Variants in KNTC1 observed in about 807,000 individuals in gnomAD.
KNTC1 encodes the protein kinetochore-associated protein 1.
A neutral mutation model predicts 314.4 loss-of-function variants in KNTC1; 253 were observed. That is an observed-to-expected ratio of 0.80 (90% CI 0.73 to 0.89). KNTC1 has a LOEUF of 0.89. Ranked by LOEUF, KNTC1 falls within the 40% of genes least tolerant of loss-of-function variation. The pLI, the probability that KNTC1 is intolerant of heterozygous loss-of-function variation, is 0.00. For synonymous variants in KNTC1, 901 were observed against 901.4 expected (o/e 1.00, Z 0.01); for missense variants, 2,475 against 2,572.9 (o/e 0.96, Z 0.82).
chr12:122,539,684 T>A lies in KNTC1; in HGVS notation c.375T>A (p.Val125=), dbSNP rs1384436087. 6.4e-7 allele frequency: 1 copy of A among 1,568,142 alleles called. No individual in the cohort carries two copies. Among genetic ancestry groups the A allele is most frequent in the South Asian group, 1.2e-5 (1 of 84,058 alleles). The change falls in exon 5 of 64, where the codon GTT becomes GTA. Residue 125 remains valine (V), a synonymous_variant. Transcript: ENST00000333479. ...SKQTLLTNAF[V]QKANDENRRT... is the part of the protein sequence containing the mutation. ...AATTAATTTGCATTTAGGCATTTGT[T>A]CAGAAAGCTAACGATGAAAATCGGC...
chr12:122,575,241 A>G (rs1167620609), intron 27 of KNTC1, among the ~76,000 whole-genome samples: 4 of 152,114 alleles, frequency 2.6e-5, no homozygotes, highest in African/African-American at 7.2e-5. Context: ...AGCCTGGGCA[A>G]TGGGAACATG....
In KNTC1 at chr12:122,588,778, A is replaced by G. The variant is rs1167993460; in HGVS notation, c.3961A>G (p.Ile1321Val). The G allele has an allele frequency of 1.3e-6, 2 of 1,567,584 alleles. No individual in the cohort carries two copies. The highest frequency in any genetic ancestry group is 1.7e-6 in the Non-Finnish European group (2 of 1,155,710). The stretch of plus-strand genomic sequence containing the variant: ...TATGGAATTGAAAGAAAAAGCTGTT[A>G]TATTTATCAGGGAAAATGCTACAAC... ...VVMELKEKAV[I>V]FIRENATTLL... is the part of the protein sequence containing the mutation. The change falls in exon 40 of 64, where the codon ATA (isoleucine) becomes GTA (valine). Residue 1321 changes from isoleucine (I) to valine (V), a missense_variant. Transcript: ENST00000333479.
intron 7 of KNTC1, 90 bp downstream of exon 7, chr12:122,543,724 T>G: frequency 1.4e-6 from 1 of 735,564 alleles, no homozygotes; most frequent in South Asian, 2.1e-5. Flanking sequence ...GGTCTACTTC[T>G]TGATATTTTA....
In KNTC1 at chr12:122,582,984, A is replaced by G. The variant is rs200596757; in HGVS notation, c.3262A>G (p.Ser1088Gly). The G allele has an allele frequency of 5.6e-6, 9 of 1,604,064 alleles. No individual in the cohort carries two copies. The highest frequency in any genetic ancestry group is 7.7e-6 in the Non-Finnish European group (9 of 1,173,612). Reference protein sequence around the residue: ...GNIKTALKKCSDLFKYHCNAD... With the variant: ...GNIKTALKKCGDLFKYHCNAD... Reference sequence around the variant, plus strand: ...CATCAAAACAGCACTGAAAAAATGCAGGTGACATTCCAGATCCCTGAATTG... The same window carrying G: ...CATCAAAACAGCACTGAAAAAATGCGGGTGACATTCCAGATCCCTGAATTG... Residue 1088 changes from serine to glycine, a missense_variant and splice_region_variant, in exon 34 of 64, where the codon AGC (serine) becomes GGC (glycine). Ser to Gly is a moderately conservative substitution (Grantham distance 56). Transcript: ENST00000333479.
chr12:122,568,366 A>G lies in KNTC1; in HGVS notation c.1710A>G (p.Arg570=). The G allele has an allele frequency of 1.9e-6, 3 of 1,547,302 alleles. No individual in the cohort carries two copies. Among genetic ancestry groups the G allele is most frequent in the Non-Finnish European group, 2.7e-6 (3 of 1,120,812 alleles). Residue 570 remains arginine (R), a synonymous_variant, in exon 21 of 64, where the codon CGA becomes CGG. Transcript: ENST00000333479. ...NLVCAQYLWL[R]HRANFESRFD... is the part of the protein sequence containing the mutation. ...TTTGTGCACAGTATCTTTGGCTTCG[A>G]CATCGGGTAACATGTTTTACATTTT...
chr12:122,557,776 T>G, intron 18 of KNTC1, 87 bp downstream of exon 18: 2 of 881,474 alleles, frequency 2.3e-6, no homozygotes, highest in South Asian at 1.6e-5. Context: ...ATATATCTTT[T>G]CCTCCTATCC....
intron 31 of KNTC1, among the ~76,000 whole-genome samples, 157 bp downstream of exon 31, chr12:122,577,948 A>G (rs887117025): frequency 6.6e-6 from 1 of 152,208 alleles, no homozygotes; most frequent in Non-Finnish European, 1.5e-5. Context: ...TACTAGGAGA[A>G]AAAAAACAAT....
At position 122,577,810 on chromosome 12, in the gene KNTC1, A is replaced by G; in HGVS notation, c.2841+19A>G. On this transcript the variant is annotated intron_variant, in intron 31 of 63. Coordinates refer to ENST00000333479, the MANE Select transcript of KNTC1 (RefSeq NM_014708.6). The stretch of plus-strand genomic sequence containing the variant: ...TAAAGAGGTGACATTTTCACTAAGT[A>G]AAATATAAGTAAATCCAATTTTTAT... 1.2e-6 allele frequency: 2 copies of G among 1,603,924 alleles called. No individual in the cohort carries two copies. The highest frequency in any genetic ancestry group is 1.7e-6 in the Non-Finnish European group (2 of 1,175,572).
intron 40 of KNTC1, among the ~76,000 whole-genome samples, chr12:122,589,941 G>A (rs1469891823): frequency 1.3e-5 from 2 of 151,760 alleles, no homozygotes; most frequent in African/African-American, 4.8e-5. Flanking sequence ...CCACCACCAC[G>A]CCTGGCTAAT....
intron 22 of KNTC1, among the ~76,000 whole-genome samples, chr12:122,570,525 AAG>A (rs1964617900): frequency 1.3e-5 from 2 of 152,000 alleles, no homozygotes; most frequent in South Asian, 4.1e-4. Context: ...AAAAAAAAAA[AAG>A]AAAGAATAAG....
chr12:122,530,847 C>G (rs1265767493), intron 2 of KNTC1, among the ~76,000 whole-genome samples: 3 of 152,174 alleles, frequency 2.0e-5, no homozygotes, highest in Admixed American at 1.3e-4. Context: ...CCTCCTGTTT[C>G]CTACCAGAGT....
At position 122,539,729 on chromosome 12, in the gene KNTC1, C is replaced by A; in HGVS notation, c.420C>A (p.Val140=). 1 of 1,574,458 alleles carries A rather than the reference C, an allele frequency of 6.4e-7. No individual in the cohort carries two copies. The highest frequency in any genetic ancestry group is 1.8e-5 in the Admixed American group (1 of 55,182). Residue 140 remains valine, a synonymous_variant, in exon 5 of 64, where the codon GTC becomes GTA. Transcript: ENST00000333479. ...DENRRTYQNL[V]IEKDGSNEGT... ...ATCGGCGGACTTACCAGAATCTTGT[C>A]ATTGAGAAGGATGGTTCAAATGAAG... is the stretch of plus-strand genomic sequence containing the variant.
intron 51 of KNTC1, among the ~76,000 whole-genome samples, chr12:122,608,503 C>T (rs1188600761): frequency 6.6e-6 from 1 of 152,024 alleles, no homozygotes; most frequent in Non-Finnish European, 1.5e-5. Context: ...AAGTATTTAC[C>T]AAGAGCATGG....
At position 122,562,638 on chromosome 12, in the gene KNTC1, G is replaced by A. The variant is rs773891168; in HGVS notation, c.1543G>A (p.Val515Met). The change falls in exon 20 of 64, where the codon GTG becomes ATG. Residue 515 changes from valine to methionine, a missense_variant and splice_region_variant. Physicochemically the swap from Val to Met is conservative, Grantham distance 21. Coordinates refer to ENST00000333479, the MANE Select transcript of KNTC1 (RefSeq NM_014708.6). ...ALIYSDGLKE[V>M]LRAHAKLTTF... ...GATTATTAAATTATTTTTTCTTCAGGTGCTAAGAGCTCATGCAAAATTGAC... is the reference window on the plus strand; with the variant it reads ...GATTATTAAATTATTTTTTCTTCAGATGCTAAGAGCTCATGCAAAATTGAC... The A allele has an allele frequency of 1.8e-5, 28 of 1,569,570 alleles. 1 individual carries two copies. The South Asian group carries it at 2.7e-4, about 15-fold the overall frequency.
At chr12:122,562,005 TG>T in intron 19 of KNTC1, 31 bp downstream of exon 19, 1 of 1,573,282 alleles carries the variant, frequency 6.4e-7, no homozygotes, top group Non-Finnish European at 8.7e-7. Flanking sequence ...GGTTAATATG[TG>T]GGTGAATATA....
intron 63 of KNTC1, among the ~76,000 whole-genome samples, chr12:122,625,133 G>A (rs758719895): frequency 3.3e-5 from 5 of 152,062 alleles, no homozygotes; most frequent in East Asian, 1.9e-4. Flanking sequence ...GGCTGGGCAC[G>A]GTGGCTCACA....
chr12:122,601,703 C>A, intron 45 of KNTC1, 78 bp downstream of exon 45: 2 of 1,267,566 alleles, frequency 1.6e-6, no homozygotes, highest in Non-Finnish European at 2.0e-6. Flanking sequence ...TTATCCAGGG[C>A]CTTTCCAAAT....
chr12:122,586,714 T>C lies in KNTC1; in HGVS notation c.3687T>C (p.Tyr1229=), dbSNP rs780675959. The change falls in exon 38 of 64, where the codon TAT becomes TAC. Residue 1229 remains tyrosine (Y), a synonymous_variant. Transcript: ENST00000333479. The part of the protein sequence containing the change: ...SLVPLAESKR[Y]PLESTSLPYC... ...TATCTTTTGTAGAAAGCAAGAGATA[T>C]CCCTTGGAGTCTACCAGTTTGCCAT... 4.7e-6 allele frequency: 7 copies of C among 1,480,442 alleles called. No individual in the cohort carries two copies. The highest frequency in any genetic ancestry group is 5.4e-6 in the Non-Finnish European group (6 of 1,103,056). The allele number at this position is 1,480,442 out of a possible 1,614,324, so 91.7% of individuals were successfully genotyped here. A position where few individuals can be genotyped will look rare whatever the true frequency, so the allele number is the denominator to read the frequency against.
At chr12:122,561,804 T>C in intron 18 of KNTC1, 117 bp from the exon 19 acceptor site, 2 of 751,146 alleles carry the variant, frequency 2.7e-6, no homozygotes, top group Non-Finnish European at 4.3e-6. Context: ...TACTATTCAT[T>C]TCACACTTAA....
Sources: gnomAD v4.1 joint callset for allele counts (sites outside exome capture counted in the v4.1 genomes callset) on GRCh38, gnomAD v4.1.1 for gene constraint, MANE v1.5 for transcripts, NCBI Gene and HGNC (gene_info 2026-07-23, HGNC 2026-07-21) for gene names.